RPRD1B: variants seen among roughly 807,000 people sequenced by gnomAD.
The protein encoded by RPRD1B is regulation of nuclear pre-mRNA domain-containing protein 1B.
In RPRD1B, 11 loss-of-function variants were observed where a neutral mutation model predicts 41.5. The ratio of observed to expected loss-of-function variants is 0.27; its 90% CI spans 0.17 to 0.44. RPRD1B has a LOEUF of 0.44. Ranked by LOEUF, RPRD1B falls within the 20% of genes least tolerant of loss-of-function variation. The pLI is 1.00. For missense variants in RPRD1B, 248 were observed against 389.9 expected (o/e 0.64, Z 3.06); for synonymous variants, 158 against 155.6 (o/e 1.02, Z -0.12).
At position 38,055,566 on chromosome 20, in the gene RPRD1B, C is replaced by G. The variant is rs370882215; in HGVS notation, c.416-1966C>G. Among the ~76,000 whole-genome samples, 7 of 152,186 alleles carry G rather than the reference C, an allele frequency of 4.6e-5. No homozygotes were observed. The South Asian group carries it at 1.2e-3, about 27-fold the overall frequency. ...ATTCCTCTGGCCATGGATCTAGGCT[C>G]CCTCTGATGCTGGCAGTGGCAGCAT... On this transcript the variant is annotated intron_variant, in intron 3 of 6. Coordinates refer to ENST00000373433, the MANE Select transcript of RPRD1B (RefSeq NM_021215.4).
At position 38,091,964 on chromosome 20, in the gene RPRD1B, T is replaced by G. The variant is rs2074615420; in HGVS notation, c.*2089T>G. 7 of 985,854 alleles carry G rather than the reference T, an allele frequency of 7.1e-6. No individual in the cohort carries two copies. Among genetic ancestry groups the G allele is most frequent in the Non-Finnish European group, 8.4e-6 (7 of 829,926 alleles). The allele number at this position is 985,854 out of a possible 1,614,324, so 61.1% of individuals were successfully genotyped here. A position where few individuals can be genotyped will look rare whatever the true frequency, so the allele number is the denominator to read the frequency against. On this transcript the variant is annotated 3_prime_UTR_variant, in exon 7 of 7. Coordinates refer to ENST00000373433, the MANE Select transcript of RPRD1B (RefSeq NM_021215.4). Reference sequence around the variant, plus strand: ...GTGGACTTCCTGTGAGGAAGTTAGTTTTTTGTTTTGATGAAATGCTTTCGT... The same window carrying G: ...GTGGACTTCCTGTGAGGAAGTTAGTGTTTTGTTTTGATGAAATGCTTTCGT...
chr20:38,090,876 G>T lies in RPRD1B; in HGVS notation c.*1001G>T. On this transcript the variant is annotated 3_prime_UTR_variant, in exon 7 of 7. Transcript: ENST00000373433. Reference sequence around the variant, plus strand: ...ACTCGAACATCACTGCAAATAGGACGCTGAGCAGGTCCGTCTGTCATGTCA... The same window carrying T: ...ACTCGAACATCACTGCAAATAGGACTCTGAGCAGGTCCGTCTGTCATGTCA... 1.0e-6 allele frequency: 1 copy of T among 985,148 alleles called. No individual in the cohort carries two copies. Among genetic ancestry groups the T allele is most frequent in the Non-Finnish European group, 1.2e-6 (1 of 829,882 alleles). The allele number at this position is 985,148 out of a possible 1,614,324, so 61.0% of individuals were successfully genotyped here.
intron 2 of RPRD1B, 139 bp from the exon 3 acceptor site, chr20:38,048,209 T>TA: frequency 2.4e-6 from 2 of 831,702 alleles, no homozygotes; most frequent in Non-Finnish European, 3.5e-6. Flanking sequence ...ATCCAGGTAT[T>TA]ACAATATGTA....
rs886572347 is a variant in RPRD1B, at chr20:38,090,224, G to A, written c.*349G>A. On this transcript the variant is annotated 3_prime_UTR_variant, in exon 7 of 7. Coordinates refer to ENST00000373433, the MANE Select transcript of RPRD1B (RefSeq NM_021215.4). ...TTCTGGAAGCTTTCGAAAGAATCTT[G>A]TCCCTCATGACAGCATTTTATCATG... The A allele has an allele frequency of 1.0e-6, 1 of 1,003,658 alleles. No homozygotes were observed. Among genetic ancestry groups the A allele is most frequent in the Non-Finnish European group, 1.2e-6 (1 of 841,544 alleles). 62.2% of individuals were successfully genotyped at this position (1,003,658 alleles called of 1,614,324 possible). A position where few individuals can be genotyped will look rare whatever the true frequency, so the allele number is the denominator to read the frequency against.
Position 38,058,575 on chromosome 20 carries a change from C to T in RPRD1B, c.529-819C>T, listed in dbSNP as rs370282614. ...TTTTGATATATACAGAAAATGTATC[C>T]CTGGTTTACTTTTCTTGTTTTTTCC... On this transcript the variant is annotated intron_variant, in intron 4 of 6. Transcript: ENST00000373433. Among the ~76,000 whole-genome samples, 4 of 152,152 alleles carry T rather than the reference C, an allele frequency of 2.6e-5. No individual in the cohort carries two copies. The East Asian group carries it at 5.8e-4, about 22-fold the overall frequency.
chr20:38,087,887 G>A (rs553742830), intron 6 of RPRD1B, among the ~76,000 whole-genome samples: 1 of 152,310 alleles, frequency 6.6e-6, no homozygotes, highest in African/African-American at 2.4e-5. Context: ...TTCGGCACAT[G>A]TGCTGGGTGC....
intron 5 of RPRD1B, 65 bp from the exon 6 acceptor site, chr20:38,066,016 A>G (rs1045322617): frequency 3.3e-6 from 5 of 1,506,262 alleles, no homozygotes; most frequent in Non-Finnish European, 2.7e-6. Flanking sequence ...TCCCCCAGAA[A>G]TGTTTGTAGT....
intron 6 of RPRD1B, among the ~76,000 whole-genome samples, chr20:38,074,804 A>G (rs1023421704): frequency 6.6e-6 from 1 of 152,236 alleles, no homozygotes; most frequent in Admixed American, 6.5e-5. Context: ...GAGGAAACTT[A>G]GCAAATAAGT....
intron 3 of RPRD1B, chr20:38,049,645 G>C (rs2074162694): frequency 4.4e-6 from 2 of 457,820 alleles, no homozygotes; most frequent in Admixed American, 4.8e-5. Context: ...TGATATTATA[G>C]GCGTGAGCCA....
intron 1 of RPRD1B, among the ~76,000 whole-genome samples, chr20:38,034,429 A>G (rs755107): frequency 0.16 from 24,794 of 152,084 alleles, 2,042 homozygotes; most frequent in South Asian, 0.27. Context: ...TGTCGGGCCC[A>G]GTGCTGGGTA....
At chr20:38,037,889 T>C (rs981285786) in intron 1 of RPRD1B, among the ~76,000 whole-genome samples, 1 of 152,130 alleles carries the variant, frequency 6.6e-6, no homozygotes, top group Non-Finnish European at 1.5e-5. Flanking sequence ...GTGTATGGAA[T>C]TTTAAAGCTT....
intron 5 of RPRD1B, among the ~76,000 whole-genome samples, chr20:38,065,337 G>A (rs2074343957): frequency 6.6e-6 from 1 of 152,058 alleles, no homozygotes; most frequent in African/African-American, 2.4e-5. Context: ...CAATAAATAA[G>A]TGCATGCTAT....
At chr20:38,081,106 G>A (rs1180037763) in intron 6 of RPRD1B, among the ~76,000 whole-genome samples, 1 of 144,962 alleles carries the variant, frequency 6.9e-6, no homozygotes, top group Non-Finnish European at 1.5e-5. Context: ...TGTGAAGAAT[G>A]TCTTTGGTAG....
intron 1 of RPRD1B, among the ~76,000 whole-genome samples, chr20:38,039,129 G>A (rs1427710782): frequency 6.6e-6 from 1 of 152,180 alleles, no homozygotes; most frequent in African/African-American, 2.4e-5. Context: ...CAGACATATT[G>A]CACGAGGTTT....
rs893773021 is a variant in RPRD1B, at chr20:38,091,327, A to G, written c.*1452A>G. 2 of 979,174 alleles carry G rather than the reference A, an allele frequency of 2.0e-6. No individual in the cohort carries two copies. Among genetic ancestry groups the G allele is most frequent in the African/African-American group, 1.8e-5 (1 of 56,804 alleles). 60.7% of individuals were successfully genotyped at this position (979,174 alleles called of 1,614,324 possible). A position where few individuals can be genotyped will look rare whatever the true frequency, so the allele number is the denominator to read the frequency against. On this transcript the variant is annotated 3_prime_UTR_variant, in exon 7 of 7. Coordinates refer to ENST00000373433, the MANE Select transcript of RPRD1B (RefSeq NM_021215.4). ...AATTTTACATGTTAAACACATTGAA[A>G]CATAACCTATGTTTATAAAGCATAA...
chr20:38,035,796 G>T (rs1293058788), intron 1 of RPRD1B, among the ~76,000 whole-genome samples: 1 of 149,818 alleles, frequency 6.7e-6, no homozygotes. Context: ...TGGGGGTCTC[G>T]CTCTGTCACC....
At chr20:38,036,008 C>T (rs1352549104) in intron 1 of RPRD1B, among the ~76,000 whole-genome samples, 1 of 152,004 alleles carries the variant, frequency 6.6e-6, no homozygotes, top group Admixed American at 6.6e-5. Flanking sequence ...TTGTGATGCC[C>T]CCGCCTCGGC....
chr20:38,053,740 A>G (rs950578879), intron 3 of RPRD1B, among the ~76,000 whole-genome samples: 2 of 152,252 alleles, frequency 1.3e-5, no homozygotes, highest in Non-Finnish European at 2.9e-5. Flanking sequence ...TGTGGATGCA[A>G]CCAGCTACAT....
At chr20:38,072,191 A>G (rs1055925088) in intron 6 of RPRD1B, among the ~76,000 whole-genome samples, 2 of 152,042 alleles carry the variant, frequency 1.3e-5, no homozygotes, top group Non-Finnish European at 2.9e-5. Flanking sequence ...TAGTTTTTGT[A>G]TGTGGTGTGA....
Sources: allele counts gnomAD v4.1 joint callset (sites outside exome capture counted in the v4.1 genomes callset), GRCh38; gene constraint gnomAD v4.1.1; transcripts MANE v1.5; gene names NCBI Gene and HGNC (gene_info 2026-07-23, HGNC 2026-07-21).